Variants in PDZD2 observed in about 807,000 individuals in gnomAD.
PDZD2 encodes PDZ domain-containing protein 2.
Under a neutral mutation model 220.7 loss-of-function variants are expected in PDZD2, and 90 were observed. The ratio of observed to expected loss-of-function variants is 0.41; its 90% confidence interval spans 0.34 to 0.49. PDZD2 has a LOEUF of 0.49. Among genes scored for constraint, PDZD2 ranks in the 20% least tolerant of loss-of-function variants. PDZD2 has a pLI of 0.28. For synonymous variants in PDZD2, 1,375 were observed against 1,450.5 expected (o/e 0.95, Z 1.18); for missense variants, 3,174 against 3,608.5 (o/e 0.88, Z 3.08).
intron 1 of PDZD2, among the ~76,000 whole-genome samples, chr5:31,772,832 G>A (rs886991714): frequency 6.6e-6 from 1 of 152,176 alleles, no homozygotes; most frequent in Admixed American, 6.5e-5. Flanking sequence ...ATCAATCACA[G>A]ACCAACCAGA....
In PDZD2 at chr5:32,088,991, C is replaced by T. The variant is rs763026228; in HGVS notation, c.5543C>T (p.Pro1848Leu). The T allele has an allele frequency of 6.2e-7, 1 of 1,614,008 alleles. No individual in the cohort carries two copies. The highest frequency in any genetic ancestry group is 2.2e-5 in the East Asian group (1 of 44,888). ...AGCCAAAAAAAGGGCGTTACTGTGC[C>T]TCATAGCCCTCCTCAGCCGAAAACA... ...SSSQKKGVTV[P>L]HSPPQPKTNL... is the part of the protein sequence containing the mutation. The change falls in exon 20 of 25, where the codon CCT becomes CTT. Residue 1848 changes from proline to leucine, a missense_variant. Pro to Leu is a moderately conservative substitution (Grantham distance 98). Coordinates refer to ENST00000438447, the MANE Select transcript of PDZD2 (RefSeq NM_178140.4). The surrounding 1 kb of genome is among the most constrained non-coding windows in gnomAD (Gnocchi z 4.6).
At chr5:31,657,794 C>T (rs939485235) in intron 1 of PDZD2, among the ~76,000 whole-genome samples, 20 of 151,824 alleles carry the variant, frequency 1.3e-4, no homozygotes, top group African/African-American at 1.2e-4. Flanking sequence ...TTGACCTCGG[C>T]GCTAGTCCTG....
chr5:32,065,978 C>T (rs1740175668), intron 14 of PDZD2, among the ~76,000 whole-genome samples: 1 of 151,498 alleles, frequency 6.6e-6, no homozygotes, highest in East Asian at 1.9e-4. Context: ...GAGCCGAGAT[C>T]GCACCATCAC....
At chr5:32,007,156 G>A (rs1252266898) in intron 5 of PDZD2, among the ~76,000 whole-genome samples, 1 of 151,474 alleles carries the variant, frequency 6.6e-6, no homozygotes, top group Admixed American at 6.6e-5. Flanking sequence ...CTGACCTCGT[G>A]ATCCACCCGC....
chr5:31,996,616 G>A (rs533561335), intron 4 of PDZD2, among the ~76,000 whole-genome samples: 6 of 152,298 alleles, frequency 3.9e-5, no homozygotes, highest in Admixed American at 2.6e-4. Context: ...GCTGAGGCAC[G>A]AGAATGGGTT....
At chr5:31,885,838 G>A (rs946354291) in intron 2 of PDZD2, among the ~76,000 whole-genome samples, 1 of 151,954 alleles carries the variant, frequency 6.6e-6, no homozygotes, top group Non-Finnish European at 1.5e-5. Context: ...GGAAAAGAGA[G>A]TAGAATTAGG....
intron 2 of PDZD2, among the ~76,000 whole-genome samples, chr5:31,876,315 G>A (rs1739299941): frequency 6.9e-6 from 1 of 144,914 alleles, no homozygotes; most frequent in African/African-American, 2.6e-5. Flanking sequence ...TTTTTTTAAA[G>A]ACAGTCTCAC....
At chr5:31,894,058 CTTTTTTTTTTTTTTT>C (rs35969573) in intron 2 of PDZD2, among the ~76,000 whole-genome samples, 6 of 69,762 alleles carry the variant, frequency 8.6e-5, no homozygotes, top group African/African-American at 3.7e-4. Flanking sequence ...CCACGCCCAG[CTTTTTTTTTTTTTTT>C]TTTTTTTTTT....
At chr5:32,070,370 T>G (rs1218455729) in intron 15 of PDZD2, among the ~76,000 whole-genome samples, 1 of 152,204 alleles carries the variant, frequency 6.6e-6, no homozygotes, top group Non-Finnish European at 1.5e-5. Context: ...AATTAATACA[T>G]TTGAAGTGGA....
intron 2 of PDZD2, among the ~76,000 whole-genome samples, chr5:31,865,502 G>A (rs1738131797): frequency 6.6e-6 from 1 of 151,192 alleles, no homozygotes; most frequent in South Asian, 2.1e-4. Context: ...TGTAGAGATG[G>A]GGTCTCCCTG....
chr5:31,685,620 C>T (rs1050724110), intron 1 of PDZD2, among the ~76,000 whole-genome samples: 1 of 152,088 alleles, frequency 6.6e-6, no homozygotes, highest in Admixed American at 6.6e-5. Context: ...GCCTCCTGGG[C>T]TGAAGCATTC....
chr5:31,992,154 A>G (rs924327925), intron 3 of PDZD2, among the ~76,000 whole-genome samples: 3 of 152,304 alleles, frequency 2.0e-5, no homozygotes, highest in Admixed American at 6.5e-5. Flanking sequence ...AAGGTGAGGA[A>G]ACTTGCATTA....
At chr5:31,693,212 G>T (rs1009981275) in intron 1 of PDZD2, among the ~76,000 whole-genome samples, 2 of 149,890 alleles carry the variant, frequency 1.3e-5, no homozygotes, top group African/African-American at 4.9e-5. Context: ...CAGTCTGGGG[G>T]TGGGGGCAGG....
chr5:31,876,943 G>A (rs1739360084), intron 2 of PDZD2, among the ~76,000 whole-genome samples: 1 of 152,136 alleles, frequency 6.6e-6, no homozygotes, highest in South Asian at 2.1e-4. Context: ...CCAGGTTCTA[G>A]CATTTTCACA....
chr5:31,677,334 C>CATGTGATGGAGTACTATTTA (rs143497445), intron 1 of PDZD2, among the ~76,000 whole-genome samples: 2 of 61,560 alleles, frequency 3.2e-5, no homozygotes, highest in African/African-American at 4.6e-5. Context: ...GAGGTATATC[C>CATGTGATGGAGTACTATTTA]GGCCGGGCGC....
chr5:31,706,259 G>C (rs991818401), intron 1 of PDZD2, among the ~76,000 whole-genome samples: 3 of 152,288 alleles, frequency 2.0e-5, no homozygotes, highest in Admixed American at 1.3e-4. Context: ...TTTTGACTCT[G>C]AGCTTCCTTG....
In PDZD2 at chr5:31,728,946, C is replaced by G. The variant is rs181110886; in HGVS notation, c.-360-69943C>G. ...CACAACTCACTGCAACCTGTGCCTC[C>G]TGGGTTCAGGCGATTCTTGTGCCTC... On this transcript the variant is annotated intron_variant, in intron 1 of 24. Transcript: ENST00000438447. 3.1e-3 allele frequency among the ~76,000 whole-genome samples: 469 copies of G among 152,300 alleles called. 2 individuals carry two copies. Among genetic ancestry groups the G allele is most frequent in the Admixed American group, 6.2e-3 (95 of 15,302 alleles).
At chr5:31,840,375 T>G (rs1757192194) in intron 2 of PDZD2, 1 of 134,066 alleles carries the variant, frequency 7.5e-6, no homozygotes, top group African/African-American at 2.8e-5. Context: ...CCCACACTCA[T>G]TCAAAGAGTA....
chr5:32,010,951 C>A (rs1581270174), intron 6 of PDZD2, among the ~76,000 whole-genome samples: 1 of 148,446 alleles, frequency 6.7e-6, no homozygotes, highest in East Asian at 2.0e-4. Flanking sequence ...GAGCTGAGAT[C>A]TCGCCACTGC....
Sources: allele counts gnomAD v4.1 joint callset (sites outside exome capture counted in the v4.1 genomes callset), GRCh38; gene constraint gnomAD v4.1.1; non-coding constraint Gnocchi (gnomAD v3.1); transcripts MANE v1.5; gene names NCBI Gene and HGNC (gene_info 2026-07-23, HGNC 2026-07-21).